The following LINGO2 variants were observed in gnomAD, a reference collection of about 807,000 sequenced individuals.
The protein encoded by LINGO2 is leucine-rich repeat and immunoglobulin-like domain-containing nogo receptor-interacting protein 2.
In LINGO2, 14 loss-of-function variants were observed where a neutral mutation model predicts 30.6. The observed-to-expected ratio is 0.46, with a 90% CI of 0.30 to 0.72. The LOEUF is 0.72. Ranked by LOEUF, LINGO2 falls within the 30% of genes least tolerant of loss-of-function variation. LINGO2 has a pLI of 0.07. For missense variants in LINGO2, 729 were observed against 751.7 expected (o/e 0.97, Z 0.35); for synonymous variants, 317 against 288.5 (o/e 1.10, Z -1.00).
At chr9:28,790,183 C>T in the LINGO2 span, among the ~76,000 whole-genome samples, 1 of 152,084 alleles carries the variant, frequency 6.6e-6, no homozygotes, top group Admixed American at 6.5e-5. Context: ...AGAGTATTCA[C>T]GCAGTATATA....
the LINGO2 span, among the ~76,000 whole-genome samples, chr9:29,139,288 G>C: frequency 6.6e-6 from 1 of 152,122 alleles, no homozygotes; most frequent in Admixed American, 6.6e-5. Context: ...TGATAAAACT[G>C]CAGCTAAATG....
intron 4 of LINGO2, among the ~76,000 whole-genome samples, chr9:28,174,919 TGTGAGAGA>T (rs1564018776): frequency 7.0e-6 from 1 of 142,382 alleles, no homozygotes; most frequent in Admixed American, 6.9e-5. Flanking sequence ...TGTGTGTGTG[TGTGAGAGA>T]GAGAGAGAGA....
intron 1 of LINGO2, among the ~76,000 whole-genome samples, chr9:28,604,447 C>G (rs1020892692): frequency 6.6e-6 from 1 of 151,954 alleles, no homozygotes; most frequent in Non-Finnish European, 1.5e-5. Flanking sequence ...CAAAATGTCA[C>G]TTTATTTTAA....
At chr9:28,027,951 T>TCCTA (rs1823464218) in intron 4 of LINGO2, among the ~76,000 whole-genome samples, 2 of 152,058 alleles carry the variant, frequency 1.3e-5, no homozygotes, top group African/African-American at 4.8e-5. Flanking sequence ...CCATATCCAA[T>TCCTA]TAAAGAGGAA....
intron 5 of LINGO2, among the ~76,000 whole-genome samples, chr9:27,974,021 T>C (rs1039389402): frequency 3.3e-5 from 5 of 152,070 alleles, no homozygotes; most frequent in Non-Finnish European, 7.4e-5. Flanking sequence ...GTAAAAATGG[T>C]GGTGTTATAT....
the LINGO2 span, among the ~76,000 whole-genome samples, chr9:29,001,441 G>T: frequency 6.6e-6 from 1 of 151,888 alleles, no homozygotes; most frequent in Non-Finnish European, 1.5e-5. Context: ...GTACCACACT[G>T]CTCACTGCAT....
intron 4 of LINGO2, among the ~76,000 whole-genome samples, chr9:28,044,385 A>C (rs1030730721): frequency 2.0e-5 from 3 of 152,176 alleles, no homozygotes; most frequent in Non-Finnish European, 4.4e-5. Flanking sequence ...ATTTCAACTA[A>C]GTCTTTTTCT....
chr9:29,012,250 T>C, the LINGO2 span, among the ~76,000 whole-genome samples: 1 of 151,764 alleles, frequency 6.6e-6, no homozygotes, highest in African/African-American at 2.4e-5. Context: ...CCCAGCTACT[T>C]GGGAGGGTGA....
chr9:28,607,636 G>A (rs75622023), intron 1 of LINGO2, among the ~76,000 whole-genome samples: 3,574 of 152,004 alleles, frequency 0.024, 69 homozygotes, highest in Admixed American at 0.054. Flanking sequence ...TGATCAGAAA[G>A]ATGACCACCA....
chr9:28,281,797 T>A (rs1823336427), intron 4 of LINGO2, among the ~76,000 whole-genome samples: 1 of 152,096 alleles, frequency 6.6e-6, no homozygotes, highest in Non-Finnish European at 1.5e-5. Context: ...TGGCATTATG[T>A]GATTCTGATT....
intron 3 of LINGO2, among the ~76,000 whole-genome samples, chr9:28,355,266 T>TCC (rs1820127903): frequency 6.8e-6 from 1 of 146,558 alleles, no homozygotes; most frequent in Non-Finnish European, 1.5e-5. Context: ...TCTCTGTCTC[T>TCC]CTCTCTGTCT....
the LINGO2 span, among the ~76,000 whole-genome samples, chr9:28,718,275 C>G: frequency 2.6e-5 from 4 of 151,790 alleles, no homozygotes; most frequent in Admixed American, 2.6e-4. Flanking sequence ...AGTTTGTGAA[C>G]AGAGTTCAGA....
At chr9:28,531,032 G>A (rs1821213457) in intron 1 of LINGO2, among the ~76,000 whole-genome samples, 1 of 145,464 alleles carries the variant, frequency 6.9e-6, no homozygotes, top group Non-Finnish European at 1.5e-5. Context: ...ATATAAGTAT[G>A]CCATATATAA....
chr9:27,938,188 G>A, the LINGO2 span: 5 of 152,136 alleles, frequency 3.3e-5, no homozygotes, highest in African/African-American at 4.8e-5. Flanking sequence ...AAGAGGTGTC[G>A]TTACGAATTT....
the LINGO2 span, among the ~76,000 whole-genome samples, chr9:28,915,675 G>A: frequency 1.3e-5 from 2 of 152,096 alleles, no homozygotes; most frequent in African/African-American, 4.8e-5. Flanking sequence ...TGGTCACTTA[G>A]GAGATACTTT....
intron 2 of LINGO2, among the ~76,000 whole-genome samples, chr9:28,422,995 A>C (rs1823264441): frequency 6.6e-6 from 1 of 152,108 alleles, no homozygotes; most frequent in East Asian, 1.9e-4. Context: ...AGAGACAGAA[A>C]GAATGATGGT....
the LINGO2 span, among the ~76,000 whole-genome samples, chr9:29,170,456 G>T: frequency 2.0e-5 from 3 of 152,040 alleles, no homozygotes; most frequent in African/African-American, 7.2e-5. Context: ...AAGGTGGGAA[G>T]GGAAGAAAGA....
chr9:28,495,870 A>C (rs939116635), intron 1 of LINGO2, among the ~76,000 whole-genome samples: 13 of 152,122 alleles, frequency 8.5e-5, no homozygotes, highest in African/African-American at 2.4e-4. Flanking sequence ...CTTTGTTCTC[A>C]TTGGTTTCCA....
chr9:28,848,538 T>C, the LINGO2 span, among the ~76,000 whole-genome samples: 2 of 149,654 alleles, frequency 1.3e-5, no homozygotes, highest in Admixed American at 6.8e-5. Flanking sequence ...TTCTAAGGCA[T>C]TTCAACTTTT....
Sources: gnomAD v4.1 joint callset for allele counts (sites outside exome capture counted in the v4.1 genomes callset) on GRCh38, gnomAD v4.1.1 for gene constraint, MANE v1.5 for transcripts, NCBI Gene and HGNC (gene_info 2026-07-23, HGNC 2026-07-21) for gene names.